Variants in RNF111 observed in about 807,000 individuals in gnomAD.
RNF111 encodes the protein E3 ubiquitin-protein ligase Arkadia.
RNF111 carries 17 observed loss-of-function variants against 95.1 expected under a neutral mutation model. That is an observed-to-expected ratio of 0.18 (90% CI 0.12 to 0.27). The LOEUF (loss-of-function observed/expected upper bound fraction) is 0.27. Among genes scored for constraint, RNF111 ranks in the 10% least tolerant of loss-of-function variants. RNF111 has a pLI of 1.00. For synonymous variants in RNF111, 440 were observed against 414.8 expected, an observed-to-expected ratio of 1.06 and a Z score of -0.74; for missense variants, 1,189 against 1,210.4, an observed-to-expected ratio of 0.98 and a Z score of 0.26.
intron 1 of RNF111, among the ~76,000 whole-genome samples, chr15:59,017,918 C>T (rs2040147931): frequency 6.6e-6 from 1 of 151,950 alleles, no homozygotes; most frequent in African/African-American, 2.4e-5. Flanking sequence ...CCATCATGCC[C>T]AGCTAATTTT....
intron 1 of RNF111, among the ~76,000 whole-genome samples, chr15:58,995,764 C>CT (rs34209382): frequency 0.081 from 8,009 of 99,454 alleles, 375 homozygotes; most frequent in African/African-American, 0.12. Flanking sequence ...GTGCCCCGGC[C>CT]TTTTTTTTTT....
chr15:59,076,057 C>A lies in RNF111; in HGVS notation c.1790C>A (p.Ser597Tyr). Reference sequence around the variant, plus strand: ...GACCCCTGCTGCCCTGTTTCTTCCTCCCGAGCTGCAATCTTTGGCCATCAG... The same window carrying A: ...GACCCCTGCTGCCCTGTTTCTTCCTACCGAGCTGCAATCTTTGGCCATCAG... ...AFDPCCPVSS[S>Y]RAAIFGHQAA... Residue 597 changes from serine to tyrosine, a missense_variant, in exon 7 of 14, where the codon TCC (serine) becomes TAC (tyrosine). Ser to Tyr is a moderately radical substitution (Grantham distance 144). This residue lies in a region of RNF111 where 1,024 missense variants were observed against 925.9 expected (regional missense o/e 1.11). Coordinates refer to ENST00000348370, the MANE Select transcript of RNF111 (RefSeq NM_017610.8). 1 of 1,614,220 alleles carries A rather than the reference C, an allele frequency of 6.2e-7. No individual in the cohort carries two copies. Among genetic ancestry groups the A allele is most frequent in the Non-Finnish European group, 8.5e-7 (1 of 1,180,046 alleles).
In RNF111 at chr15:59,030,992, A is replaced by G. The variant is rs2040875897; in HGVS notation, c.170A>G (p.Asn57Ser). Residue 57 changes from asparagine (N) to serine (S), a missense_variant, in exon 2 of 14, where the codon AAT becomes AGT. Coordinates refer to ENST00000348370, the MANE Select transcript of RNF111 (RefSeq NM_017610.8). ...TTTCCTGCAGGAGTTGAGATGATTAATAGTAAAGTGGGGAATGAATTCTCT... is the reference window on the plus strand; with the variant it reads ...TTTCCTGCAGGAGTTGAGATGATTAGTAGTAAAGTGGGGAATGAATTCTCT... ...KSFPAGVEMI[N>S]SKVGNEFSHL... 5 of 1,614,116 alleles carry G rather than the reference A, an allele frequency of 3.1e-6. No homozygotes were observed. Among genetic ancestry groups the G allele is most frequent in the Non-Finnish European group, 4.2e-6 (5 of 1,180,050 alleles).
At chr15:58,998,703 C>T (rs1292346226) in intron 1 of RNF111, among the ~76,000 whole-genome samples, 2 of 152,060 alleles carry the variant, frequency 1.3e-5, no homozygotes. Flanking sequence ...AATTTATTGC[C>T]AAAATAAAAT....
intron 8 of RNF111, among the ~76,000 whole-genome samples, chr15:59,083,526 C>G (rs548617777): frequency 6.7e-6 from 1 of 148,582 alleles, no homozygotes; most frequent in South Asian, 2.1e-4. Flanking sequence ...CAGAGCTAGA[C>G]TTCCTCTCCA....
chr15:59,023,283 T>A (rs897034613), intron 1 of RNF111, among the ~76,000 whole-genome samples: 17 of 152,180 alleles, frequency 1.1e-4, no homozygotes, highest in Admixed American at 6.6e-4. Context: ...AGCATGCTGG[T>A]TTACCCTGTT....
At chr15:59,076,366 T>C in intron 7 of RNF111, 151 bp downstream of exon 7, 1 of 871,714 alleles carries the variant, frequency 1.1e-6, no homozygotes, top group East Asian at 2.6e-5. Context: ...GTTAGTATTA[T>C]GTAATTGAGG....
rs117994057 is a variant in RNF111 at position 59,032,918 on chromosome 15, A to C, written c.880+1216A>C. On this transcript the variant is annotated intron_variant, in intron 2 of 13. Coordinates refer to ENST00000348370, the MANE Select transcript of RNF111 (RefSeq NM_017610.8). ...TCTCTCTCTCTCTCACACACACAGT[A>C]AATGTGATATTTAAGTAGAATAAGT... is the stretch of plus-strand genomic sequence containing the variant. 2.0e-4 allele frequency among the ~76,000 whole-genome samples: 31 copies of C among 152,268 alleles called. No individual in the cohort carries two copies. In the East Asian group the frequency reaches 5.8e-3, roughly 28 times the overall value.
At chr15:59,089,228 GA>G (rs1404111179) in intron 10 of RNF111, among the ~76,000 whole-genome samples, 1 of 152,058 alleles carries the variant, frequency 6.6e-6, no homozygotes. Context: ...CAAAAAATTA[GA>G]AAACAGTGTT....
intron 9 of RNF111, among the ~76,000 whole-genome samples, chr15:59,084,734 G>C (rs2078848687): frequency 6.6e-6 from 1 of 151,898 alleles, no homozygotes; most frequent in African/African-American, 2.4e-5. Context: ...CTGAAGCTTT[G>C]TACCCATCGA....
chr15:59,022,978 G>A (rs2040418589), intron 1 of RNF111, among the ~76,000 whole-genome samples: 2 of 152,346 alleles, frequency 1.3e-5, no homozygotes, highest in South Asian at 2.1e-4. Context: ...TGGGCGCGGT[G>A]GCTTACGCCT....
At chr15:59,038,643 G>A (rs2041298759) in intron 2 of RNF111, among the ~76,000 whole-genome samples, 1 of 151,882 alleles carries the variant, frequency 6.6e-6, no homozygotes, top group Non-Finnish European at 1.5e-5. Flanking sequence ...TTTTCCTGGA[G>A]AATTTCACAA....
intron 1 of RNF111, among the ~76,000 whole-genome samples, chr15:59,025,066 C>A (rs929426577): frequency 2.6e-5 from 4 of 152,200 alleles, no homozygotes; most frequent in Admixed American, 6.5e-5. Flanking sequence ...CTATTCATCA[C>A]TTCAGTGGAC....
At chr15:59,070,586 C>G (rs961143514) in intron 6 of RNF111, among the ~76,000 whole-genome samples, 2 of 152,156 alleles carry the variant, frequency 1.3e-5, no homozygotes, top group Non-Finnish European at 2.9e-5. Flanking sequence ...TTTGCCAACT[C>G]AATAGAAGAA....
intron 1 of RNF111, among the ~76,000 whole-genome samples, chr15:59,004,531 T>C (rs766687577): frequency 7.9e-5 from 12 of 152,190 alleles, no homozygotes; most frequent in Non-Finnish European, 1.2e-4. Context: ...TTAAATAAAG[T>C]AGCTGACATC....
intron 1 of RNF111, among the ~76,000 whole-genome samples, chr15:58,996,533 A>G (rs979964224): frequency 3.4e-4 from 52 of 151,924 alleles, no homozygotes; most frequent in African/African-American, 1.2e-3. Context: ...GTGAGCCGAG[A>G]TCATGCCACT....
intron 1 of RNF111, among the ~76,000 whole-genome samples, chr15:59,006,241 C>T (rs1393508426): frequency 6.6e-6 from 1 of 152,184 alleles, no homozygotes; most frequent in Non-Finnish European, 1.5e-5. Flanking sequence ...ATGAGGCACA[C>T]GTTTTATGTA....
chr15:59,029,890 TA>T (rs1226087478), intron 1 of RNF111, among the ~76,000 whole-genome samples: 1 of 152,226 alleles, frequency 6.6e-6, no homozygotes, highest in Non-Finnish European at 1.5e-5. Flanking sequence ...AAAAACTTGT[TA>T]AAAATATGTT....
chr15:59,054,536 T>TTTTA (rs1248305659), intron 3 of RNF111, among the ~76,000 whole-genome samples: 1 of 152,128 alleles, frequency 6.6e-6, no homozygotes, highest in Non-Finnish European at 1.5e-5. Context: ...TACAAAACCA[T>TTTTA]TTTATCCCAA....
Sources: gnomAD v4.1 joint callset for allele counts (sites outside exome capture counted in the v4.1 genomes callset) on GRCh38, gnomAD v4.1.1 for gene constraint, gnomAD v4.1.1 regional missense constraint, MANE v1.5 for transcripts, NCBI Gene and HGNC (gene_info 2026-07-23, HGNC 2026-07-21) for gene names.